Variants in ADGRL3 observed in about 807,000 individuals in gnomAD.
ADGRL3 encodes adhesion G protein-coupled receptor L3, also known as calcium-independent alpha-latrotoxin receptor 3.
ADGRL3 carries 62 observed loss-of-function variants against 153.5 expected under a neutral mutation model. That is an observed-to-expected ratio of 0.40 (90% CI 0.33 to 0.50). The LOEUF (loss-of-function observed/expected upper bound fraction) is 0.50, where lower values mean the gene tolerates loss of function less well. Ranked by LOEUF, ADGRL3 falls within the 20% of genes least tolerant of loss-of-function variation. The pLI is 0.47. For missense variants in ADGRL3, 1,641 were observed against 1,859.4 expected (o/e 0.88, Z 2.16); for synonymous variants, 710 against 672.5 (o/e 1.06, Z -0.86).
chr4:61,253,130 G>A (rs542146294), intron 1 of ADGRL3, among the ~76,000 whole-genome samples: 6 of 152,250 alleles, frequency 3.9e-5, no homozygotes, highest in South Asian at 2.1e-4. Flanking sequence ...AGGTGATTGC[G>A]CCTGGATGTT....
intron 21 of ADGRL3, among the ~76,000 whole-genome samples, chr4:62,016,267 T>C (rs2099211231): frequency 1.3e-5 from 2 of 152,142 alleles, no homozygotes; most frequent in Admixed American, 1.3e-4. Context: ...CAGGATGGTC[T>C]TCATCTCTTG....
At chr4:61,456,315 A>G (rs2097735470) in intron 2 of ADGRL3, among the ~76,000 whole-genome samples, 1 of 148,162 alleles carries the variant, frequency 6.7e-6, no homozygotes, top group East Asian at 2.0e-4. Flanking sequence ...CACTAGTTTC[A>G]CATATATTTA....
intron 5 of ADGRL3, among the ~76,000 whole-genome samples, chr4:61,600,036 G>A (rs993983342): frequency 3.2e-4 from 49 of 152,122 alleles, no homozygotes; most frequent in Non-Finnish European, 4.3e-4. Flanking sequence ...TGGGCGAGGC[G>A]TGGTGGCTCA....
At chr4:61,542,596 C>CT (rs998990141) in intron 4 of ADGRL3, among the ~76,000 whole-genome samples, 14 of 151,126 alleles carry the variant, frequency 9.3e-5, no homozygotes, top group African/African-American at 1.2e-4. Context: ...TTTTATCTGC[C>CT]TTTTTTTTTC....
chr4:61,934,483 G>A (rs1052051075), intron 13 of ADGRL3, among the ~76,000 whole-genome samples: 3 of 152,112 alleles, frequency 2.0e-5, no homozygotes, highest in Admixed American at 6.6e-5. Context: ...TCTGAGTCAT[G>A]TGGTAAAACT....
At chr4:61,843,076 G>C (rs1048750145) in intron 9 of ADGRL3, among the ~76,000 whole-genome samples, 1 of 152,048 alleles carries the variant, frequency 6.6e-6, no homozygotes, top group African/African-American at 2.4e-5. Context: ...AGAGCACCAA[G>C]GATTAAGTCT....
At chr4:61,946,780 C>T (rs2098926823) in intron 15 of ADGRL3, 134 bp from the exon 16 acceptor site, 1 of 710,416 alleles carries the variant, frequency 1.4e-6, no homozygotes, top group South Asian at 1.8e-5. Context: ...TCATAAATGA[C>T]TTGGTACTTT....
intron 1 of ADGRL3, among the ~76,000 whole-genome samples, chr4:61,293,257 C>T (rs1310676495): frequency 2.0e-5 from 3 of 152,120 alleles, no homozygotes; most frequent in African/African-American, 4.8e-5. Flanking sequence ...GGAGAGTATA[C>T]GATTCTCTTT....
intron 1 of ADGRL3, among the ~76,000 whole-genome samples, chr4:61,314,362 G>A (rs1450898705): frequency 1.3e-5 from 2 of 151,942 alleles, no homozygotes; most frequent in Non-Finnish European, 2.9e-5. Context: ...GGCATGTGCC[G>A]CCATGCCCGG....
In ADGRL3 at chr4:61,643,844, G is replaced by A. The variant is rs895662791; in HGVS notation, c.474-32982G>A. Among the ~76,000 whole-genome samples the A allele has an allele frequency of 4.3e-4, 63 of 146,762 alleles. 2 individuals are homozygous for A. The highest frequency in any genetic ancestry group is 1.5e-3 in the African/African-American group (58 of 39,196). On this transcript the variant is annotated intron_variant, in intron 5 of 26. Transcript: ENST00000683033. ...GGATTCCCTCTTTTTCTATTGATTG[G>A]AATAGTTTCAGAAGGCATGGTACCA... is the stretch of plus-strand genomic sequence containing the variant.
chr4:61,579,445 T>C (rs951619885), intron 4 of ADGRL3: 2 of 251,246 alleles, frequency 8.0e-6, no homozygotes, highest in Non-Finnish European at 1.6e-5. Flanking sequence ...TGGAAGACAA[T>C]GTGGAAAGTG....
chr4:62,008,533 C>T (rs900362690), intron 21 of ADGRL3, among the ~76,000 whole-genome samples: 28 of 151,932 alleles, frequency 1.8e-4, no homozygotes, highest in Middle Eastern at 3.2e-3. Flanking sequence ...TATCATGGTT[C>T]ATAAGTATTC....
chr4:61,353,809 A>T (rs1384052460), intron 1 of ADGRL3, among the ~76,000 whole-genome samples: 3 of 7,268 alleles, frequency 4.1e-4, no homozygotes, highest in Non-Finnish European at 2.2e-3. Context: ...AACAGGGAAA[A>T]ATTTTAGCAT....
At chr4:61,987,431 T>C (rs908013017) in intron 19 of ADGRL3, among the ~76,000 whole-genome samples, 3 of 152,046 alleles carry the variant, frequency 2.0e-5, no homozygotes, top group African/African-American at 7.2e-5. Flanking sequence ...AGCCTTGTCC[T>C]GCCAAAGTGC....
intron 2 of ADGRL3, among the ~76,000 whole-genome samples, chr4:61,413,816 T>A: frequency 6.6e-6 from 1 of 152,196 alleles, no homozygotes; most frequent in Admixed American, 6.5e-5. Context: ...GCCACGTTGT[T>A]CCATGAATCC....
intron 1 of ADGRL3, among the ~76,000 whole-genome samples, chr4:61,213,879 T>C (rs547975452): frequency 3.1e-4 from 47 of 152,312 alleles, no homozygotes; most frequent in African/African-American, 1.1e-3. Context: ...TACAGATTCC[T>C]TGAAGTATAA....
At chr4:61,621,837 T>C (rs898082929) in intron 5 of ADGRL3, among the ~76,000 whole-genome samples, 9 of 152,188 alleles carry the variant, frequency 5.9e-5, no homozygotes, top group African/African-American at 1.4e-4. Context: ...AAAATAGTTA[T>C]ATGTCTCCTT....
chr4:61,627,211 A>T (rs2092885801), intron 5 of ADGRL3, among the ~76,000 whole-genome samples: 1 of 152,034 alleles, frequency 6.6e-6, no homozygotes, highest in African/African-American at 2.4e-5. Flanking sequence ...ATTTTCCCTT[A>T]TTTAAAATTT....
chr4:61,939,964 TACATGTGC>T lies in ADGRL3; in HGVS notation c.2419+3924_2419+3931del, dbSNP rs1308982175. ...TTTTATTATACTCTAAGTTTTAGGG[TACATGTGC>T]ACATTGTGCAGGTTAGTTACATATG... On this transcript the variant is annotated intron_variant, in intron 15 of 26. Transcript: ENST00000683033. Among the ~76,000 whole-genome samples, 3 of 151,490 alleles carry T rather than the reference TACATGTGC, an allele frequency of 2.0e-5. No individual in the cohort carries two copies. In the East Asian group the frequency reaches 5.8e-4, roughly 29 times the overall value.
Sources: allele counts gnomAD v4.1 joint callset (sites outside exome capture counted in the v4.1 genomes callset), GRCh38; gene constraint gnomAD v4.1.1; transcripts MANE v1.5; gene names NCBI Gene and HGNC (gene_info 2026-07-23, HGNC 2026-07-21).